The following GPRIN3 variants were observed in gnomAD, a reference collection of about 807,000 sequenced individuals.
GPRIN3 encodes the protein GPRIN family member 3, also known as G protein-regulated inducer of neurite outgrowth 3.
GPRIN3 carries 12 observed loss-of-function variants against 13.7 expected under a neutral mutation model. That is an observed-to-expected ratio of 0.87 (90% CI 0.56 to 1.42). The LOEUF (loss-of-function observed/expected upper bound fraction) is 1.42. Among genes scored for constraint, GPRIN3 ranks in the 40% most tolerant of loss-of-function variants. The pLI is 0.00. For missense variants in GPRIN3, 1,009 were observed against 958.7 expected (o/e 1.05, Z -0.69); for synonymous variants, 377 against 372.7 (o/e 1.01, Z -0.13).
At chr4:89,292,435 TATTA>T (rs894430167) in intron 1 of GPRIN3, among the ~76,000 whole-genome samples, 2 of 152,212 alleles carry the variant, frequency 1.3e-5, no homozygotes, top group Admixed American at 6.5e-5. Flanking sequence ...AATTAAGAAT[TATTA>T]ATTAATTAAC....
intron 1 of GPRIN3, among the ~76,000 whole-genome samples, chr4:89,283,244 A>G (rs569169892): frequency 4.1e-4 from 62 of 152,338 alleles, no homozygotes; most frequent in African/African-American, 1.4e-3. Context: ...ATTGTTTAAC[A>G]TACACAATGT....
intron 1 of GPRIN3, among the ~76,000 whole-genome samples, chr4:89,294,017 T>C (rs1233654082): frequency 1.3e-5 from 2 of 152,182 alleles, no homozygotes; most frequent in African/African-American, 2.4e-5. Context: ...TTCTCCCTTG[T>C]TTTGGGGATA....
intron 1 of GPRIN3, among the ~76,000 whole-genome samples, chr4:89,279,401 G>A (rs1052821027): frequency 6.6e-6 from 1 of 152,080 alleles, no homozygotes; most frequent in African/African-American, 2.4e-5. Flanking sequence ...GGATGACAGC[G>A]TGCTCAAGCC....
At chr4:89,275,108 A>G (rs991782283) in intron 1 of GPRIN3, among the ~76,000 whole-genome samples, 2 of 150,830 alleles carry the variant, frequency 1.3e-5, no homozygotes, top group African/African-American at 4.9e-5. Context: ...GGTAGCTTCT[A>G]TATTTTCCAA....
In GPRIN3 at chr4:89,295,959, T is replaced by C. The variant is rs373941916; in HGVS notation, c.-124+11656A>G. Among the ~76,000 whole-genome samples the C allele has an allele frequency of 1.1e-3, 168 of 152,340 alleles. 7 individuals carry two copies. In the South Asian group the frequency reaches 0.034, roughly 31 times the overall value. ...TTACAGGTTTGATGTACTTGTTATATTATTTTTTGTAGCATATATTTTTAA... is the reference window on the plus strand; with the variant it reads ...TTACAGGTTTGATGTACTTGTTATACTATTTTTTGTAGCATATATTTTTAA... On this transcript the variant is annotated intron_variant, in intron 1 of 1. Transcript: ENST00000609438.
rs1722875299 is a variant in GPRIN3, at chr4:89,239,810, C to T, written c.*7970G>A. 1.3e-5 allele frequency: 2 copies of T among 152,396 alleles called. No individual in the cohort carries two copies. 9.4% of individuals were successfully genotyped at this position (152,396 alleles called of 1,614,324 possible). On this transcript the variant is annotated 3_prime_UTR_variant, in exon 2 of 2. Transcript: ENST00000609438. ...CCGAGTAGCTGGGATTACAGGCACA[C>T]ACCACCATGCCCGGCTAGTTTTTGT...
At chr4:89,271,605 T>C (rs1216879606) in intron 1 of GPRIN3, among the ~76,000 whole-genome samples, 1 of 152,166 alleles carries the variant, frequency 6.6e-6, no homozygotes. Context: ...CTATTTTTTA[T>C]TGTTTTCTTG....
rs1010353801 is a variant in GPRIN3, at chr4:89,246,802, C to T, written c.*978G>A. 6.6e-6 allele frequency: 1 copy of T among 152,060 alleles called. No homozygotes were observed. Among genetic ancestry groups the T allele is most frequent in the Non-Finnish European group, 1.5e-5 (1 of 68,004 alleles). The allele number at this position is 152,060 out of a possible 1,614,324, so 9.4% of individuals were successfully genotyped here. ...TCTAAATTAAACATTGTTTTTGTTA[C>T]TTATGAGGCTTTTATCATCACAGAA... On this transcript the variant is annotated 3_prime_UTR_variant, in exon 2 of 2. Transcript: ENST00000609438.
At position 89,249,413 on chromosome 4, in the gene GPRIN3, C is replaced by T. The variant is rs765125086; in HGVS notation, c.698G>A (p.Arg233Lys). The T allele has an allele frequency of 6.2e-7, 1 of 1,614,086 alleles. No homozygotes were observed. The highest frequency in any genetic ancestry group is 8.5e-7 in the Non-Finnish European group (1 of 1,180,020). Reference sequence around the variant, plus strand: ...TTCTCTAGTTAGAGGTTTACAGGACCTCATTTCAGAGTCACAGATGGCTCC... The same window carrying T: ...TTCTCTAGTTAGAGGTTTACAGGACTTCATTTCAGAGTCACAGATGGCTCC... ...RQGAICDSEM[R>K]SCKPLTRESG... Residue 233 changes from arginine to lysine, a missense_variant, in exon 2 of 2, where the codon AGG (arginine) becomes AAG (lysine). Physicochemically the swap from Arg to Lys is conservative, Grantham distance 26. Transcript: ENST00000609438.
intron 1 of GPRIN3, among the ~76,000 whole-genome samples, chr4:89,294,452 T>C (rs1724674617): frequency 6.6e-6 from 1 of 152,188 alleles, no homozygotes; most frequent in Non-Finnish European, 1.5e-5. Flanking sequence ...TGAGAATAAA[T>C]AAATACTGCC....
chr4:89,268,531 C>A (rs112278762), intron 1 of GPRIN3, among the ~76,000 whole-genome samples: 6 of 152,252 alleles, frequency 3.9e-5, no homozygotes, highest in African/African-American at 1.4e-4. Context: ...CTCTGCTACC[C>A]CTCCCAAATC....
rs1228328551 is a variant in GPRIN3, at chr4:89,242,048, A to G, written c.*5732T>C. On this transcript the variant is annotated 3_prime_UTR_variant, in exon 2 of 2. Transcript: ENST00000609438. ...GCTGTTAGCAATTCTCTCCCATTTAATTCTTTCTAACATCATTAAATCACT... is the reference window on the plus strand; with the variant it reads ...GCTGTTAGCAATTCTCTCCCATTTAGTTCTTTCTAACATCATTAAATCACT... 6.6e-6 allele frequency: 1 copy of G among 152,232 alleles called. No individual in the cohort carries two copies. The highest frequency in any genetic ancestry group is 1.5e-5 in the Non-Finnish European group (1 of 68,038). The allele number at this position is 152,232 out of a possible 1,614,324, so 9.4% of individuals were successfully genotyped here. A position where few individuals can be genotyped will look rare whatever the true frequency, so the allele number is the denominator to read the frequency against.
Position 89,249,890 on chromosome 4 carries a change from G to T in GPRIN3, c.221C>A (p.Thr74Asn). 6.2e-7 allele frequency: 1 copy of T among 1,614,236 alleles called. No individual in the cohort carries two copies. The stretch of plus-strand genomic sequence containing the variant: ...ACCAGGAGAAGACATATCTGGTTGG[G>T]TGGTCTCATGCTCACAAACCTGCAT... ...ALMQVCEHET[T>N]QPDMSSPGVF... Residue 74 changes from threonine to asparagine, a missense_variant, in exon 2 of 2, where the codon ACC becomes AAC. Physicochemically the swap from Thr to Asn is moderately conservative, Grantham distance 65. Transcript: ENST00000609438.
rs376219871 is a variant in GPRIN3 at position 89,297,384 on chromosome 4, TTTTTGTTTTG to T, written c.-124+10221_-124+10230del. 3.1e-3 allele frequency among the ~76,000 whole-genome samples: 473 copies of T among 152,244 alleles called. 3 individuals are homozygous for T. The highest frequency in any genetic ancestry group is 9.7e-3 in the African/African-American group (402 of 41,540). The stretch of plus-strand genomic sequence containing the variant: ...AAGATGGCAAAGTGCCTCAAGTGTT[TTTTTGTTTTG>T]TTTTGTTTTGTTTTGTTTCTTGTTC... On this transcript the variant is annotated intron_variant, in intron 1 of 1. Transcript: ENST00000609438.
chr4:89,248,987 C>T lies in GPRIN3; in HGVS notation c.1124G>A (p.Ser375Asn). 1 of 1,614,142 alleles carries T rather than the reference C, an allele frequency of 6.2e-7. No individual in the cohort carries two copies. Among genetic ancestry groups the T allele is most frequent in the Non-Finnish European group, 8.5e-7 (1 of 1,180,008 alleles). ...GCTGGACTCCTGGGGGGCTAGCGTG[C>T]TGTCAGAGAGCTCCAGTGTGTGGCT... The part of the protein sequence containing the change: ...SGSHTLELSD[S>N]TLAPQESSQC... The change falls in exon 2 of 2, where the codon AGC becomes AAC. Residue 375 changes from serine to asparagine, a missense_variant. By Grantham distance (46) the Ser-to-Asn change is conservative (BLOSUM62 1). Transcript: ENST00000609438.
chr4:89,281,827 C>T (rs1401532287), intron 1 of GPRIN3, among the ~76,000 whole-genome samples: 1 of 152,226 alleles, frequency 6.6e-6, no homozygotes, highest in Non-Finnish European at 1.5e-5. Flanking sequence ...CTCAACACAA[C>T]TCAGCATTTT....
chr4:89,238,036 C>G lies in GPRIN3; in HGVS notation c.*9744G>C, dbSNP rs1299306034. The G allele has an allele frequency of 1.3e-5, 2 of 151,928 alleles. No individual in the cohort carries two copies. The highest frequency in any genetic ancestry group is 4.8e-5 in the African/African-American group (2 of 41,320). The allele number at this position is 151,928 out of a possible 1,614,324, so 9.4% of individuals were successfully genotyped here. A position where few individuals can be genotyped will look rare whatever the true frequency, so the allele number is the denominator to read the frequency against. On this transcript the variant is annotated 3_prime_UTR_variant, in exon 2 of 2. Transcript: ENST00000609438. ...GAAATGCATGAGGTTTTAATTTGAC[C>G]AAGAATAAATGTTTAAGTATGCAAG...
chr4:89,278,316 A>G (rs1724150996), intron 1 of GPRIN3, among the ~76,000 whole-genome samples: 2 of 152,334 alleles, frequency 1.3e-5, no homozygotes, highest in Admixed American at 1.3e-4. Flanking sequence ...AAAATTCTGT[A>G]AAAACATGCC....
Position 89,238,059 on chromosome 4 carries a change from A to C in GPRIN3, c.*9721T>G. Reference sequence around the variant, plus strand: ...ACCAAGAATAAATGTTTAAGTATGCAAGAGTTAGAGAATGGCAGCCACAGG... The same window carrying C: ...ACCAAGAATAAATGTTTAAGTATGCCAGAGTTAGAGAATGGCAGCCACAGG... On this transcript the variant is annotated 3_prime_UTR_variant, in exon 2 of 2. Transcript: ENST00000609438. 6.6e-6 allele frequency: 1 copy of C among 152,174 alleles called. No homozygotes were observed. The highest frequency in any genetic ancestry group is 1.9e-4 in the East Asian group (1 of 5,202). 9.4% of individuals were successfully genotyped at this position (152,174 alleles called of 1,614,324 possible).
Sources: allele counts gnomAD v4.1 joint callset (sites outside exome capture counted in the v4.1 genomes callset), GRCh38; gene constraint gnomAD v4.1.1; transcripts MANE v1.5; gene names NCBI Gene and HGNC (gene_info 2026-07-23, HGNC 2026-07-21).